The following SLC24A2 variants were observed in gnomAD, a reference collection of about 807,000 sequenced individuals.
SLC24A2 encodes the protein solute carrier family 24 member 2.
SLC24A2 carries 36 observed loss-of-function variants against 62.0 expected under a neutral mutation model. The observed-to-expected ratio is 0.58, with a 90% CI of 0.44 to 0.77. The LOEUF is 0.77. Ranked by LOEUF, SLC24A2 falls within the 30% of genes least tolerant of loss-of-function variation. SLC24A2 has a pLI of 0.00. For missense variants in SLC24A2, 846 were observed against 817.9 expected, an observed-to-expected ratio of 1.03 and a Z score of -0.42; for synonymous variants, 358 against 294.0, an observed-to-expected ratio of 1.22 and a Z score of -2.23.
chr9:20,242,670 G>GACAT, the SLC24A2 span, among the ~76,000 whole-genome samples: 1 of 152,206 alleles, frequency 6.6e-6, no homozygotes, highest in South Asian at 2.1e-4. Context: ...TGCAACACCT[G>GACAT]ACATGAGAAA....
chr9:20,060,304 A>T, the SLC24A2 span, among the ~76,000 whole-genome samples: 1 of 152,154 alleles, frequency 6.6e-6, no homozygotes, highest in Non-Finnish European at 1.5e-5. Flanking sequence ...AACCCATTCC[A>T]AAAAGCCAGC....
chr9:19,621,521 C>T (rs368031874), intron 3 of SLC24A2, among the ~76,000 whole-genome samples: 44 of 152,202 alleles, frequency 2.9e-4, no homozygotes, highest in Middle Eastern at 3.4e-3. Flanking sequence ...CAGATGATTA[C>T]GGTTCAAAAC....
At chr9:19,850,549 A>G in the SLC24A2 span, among the ~76,000 whole-genome samples, 1 of 152,250 alleles carries the variant, frequency 6.6e-6, no homozygotes, top group South Asian at 2.1e-4. Context: ...AAAGTTGCTC[A>G]GTCATCATCA....
the SLC24A2 span, among the ~76,000 whole-genome samples, chr9:20,304,210 G>T: frequency 3.9e-5 from 6 of 152,220 alleles, no homozygotes; most frequent in Admixed American, 3.9e-4. Context: ...TGGCAGGCAG[G>T]TTAACTATTT....
At chr9:19,621,526 C>T (rs1208548628) in intron 3 of SLC24A2, among the ~76,000 whole-genome samples, 1 of 152,080 alleles carries the variant, frequency 6.6e-6, no homozygotes, top group Non-Finnish European at 1.5e-5. Context: ...GATTACGGTT[C>T]AAAACATTTT....
At chr9:20,025,510 C>A in the SLC24A2 span, among the ~76,000 whole-genome samples, 8 of 152,238 alleles carry the variant, frequency 5.3e-5, no homozygotes, top group Admixed American at 2.0e-4. Context: ...AACATTATTA[C>A]CTGCTCCCTG....
the SLC24A2 span, among the ~76,000 whole-genome samples, chr9:20,054,993 A>G: frequency 2.0e-5 from 3 of 152,202 alleles, no homozygotes; most frequent in South Asian, 6.2e-4. Context: ...CATTCTGTTT[A>G]CCTGCACCAC....
rs187476692 is a variant in SLC24A2, at chr9:19,708,046, A to C, written c.930+77891T>G. ...TAAATCTCCTTAAGCTGATAAGCAA[A>C]TTCAGCAAAGTCACAGGATAGAAAA... On this transcript the variant is annotated intron_variant, in intron 2 of 10. Transcript: ENST00000341998. 1.8e-3 allele frequency among the ~76,000 whole-genome samples: 278 copies of C among 152,276 alleles called. 7 individuals carry two copies. Among genetic ancestry groups the C allele is most frequent in the Admixed American group, 0.017 (262 of 15,288 alleles).
the SLC24A2 span, among the ~76,000 whole-genome samples, chr9:19,917,721 CATATCT>C: frequency 3.7e-4 from 57 of 152,160 alleles, no homozygotes; most frequent in Middle Eastern, 3.4e-3. Context: ...ATTTTTGTCT[CATATCT>C]ATATCTTGAT....
intron 4 of SLC24A2, among the ~76,000 whole-genome samples, chr9:19,616,329 T>A (rs528542771): frequency 6.6e-6 from 1 of 152,216 alleles, no homozygotes; most frequent in Non-Finnish European, 1.5e-5. Context: ...AATAACACTA[T>A]GATGCAGACA....
chr9:19,772,510 T>C (rs1272506430), intron 2 of SLC24A2, among the ~76,000 whole-genome samples: 1 of 152,146 alleles, frequency 6.6e-6, no homozygotes. Context: ...GATAAGGAAC[T>C]CTGAAACTCA....
the SLC24A2 span, among the ~76,000 whole-genome samples, chr9:19,884,403 G>T: frequency 1.3e-5 from 2 of 152,050 alleles, no homozygotes; most frequent in Non-Finnish European, 2.9e-5. Flanking sequence ...TCTGGGTTTT[G>T]TGTTTTCACT....
At chr9:19,597,642 A>G (rs1836736945) in intron 4 of SLC24A2, among the ~76,000 whole-genome samples, 1 of 152,206 alleles carries the variant, frequency 6.6e-6, no homozygotes, top group East Asian at 1.9e-4. Context: ...GAACAAGGAC[A>G]ACGTCCAGGC....
intron 2 of SLC24A2, among the ~76,000 whole-genome samples, chr9:19,773,823 G>A (rs1178562619): frequency 6.6e-6 from 1 of 152,218 alleles, no homozygotes; most frequent in South Asian, 2.1e-4. Context: ...ATACACACAA[G>A]AGTGAACACA....
the SLC24A2 span, among the ~76,000 whole-genome samples, chr9:19,826,873 T>C: frequency 3.3e-5 from 5 of 152,208 alleles, no homozygotes; most frequent in Non-Finnish European, 1.5e-5. Context: ...CCTTGGAATG[T>C]GGTCTCCAGT....
At chr9:19,899,742 G>T in the SLC24A2 span, among the ~76,000 whole-genome samples, 1 of 152,146 alleles carries the variant, frequency 6.6e-6, no homozygotes, top group Non-Finnish European at 1.5e-5. Context: ...TTACAATCAT[G>T]GCAGAAGAGA....
At chr9:19,521,137 A>C in intron 9 of SLC24A2, 77 bp from the exon 10 acceptor site, 1 of 1,333,672 alleles carries the variant, frequency 7.5e-7, no homozygotes, top group Non-Finnish European at 1.1e-6. Flanking sequence ...TTTCAATGCG[A>C]CCTCCTTTTA....
intron 5 of SLC24A2, among the ~76,000 whole-genome samples, chr9:19,585,894 G>C (rs1474599801): frequency 6.6e-6 from 1 of 152,114 alleles, no homozygotes; most frequent in African/African-American, 2.4e-5. Context: ...ACCCATAAAG[G>C]ATGGATCAGC....
At chr9:19,780,002 C>A (rs1822964027) in intron 2 of SLC24A2, among the ~76,000 whole-genome samples, 1 of 152,000 alleles carries the variant, frequency 6.6e-6, no homozygotes, top group Middle Eastern at 3.4e-3. Context: ...GTGGAGCTTG[C>A]AAGTGAGCCG....
Sources: allele counts gnomAD v4.1 joint callset (sites outside exome capture counted in the v4.1 genomes callset), GRCh38; gene constraint gnomAD v4.1.1; transcripts MANE v1.5; gene names NCBI Gene and HGNC (gene_info 2026-07-23, HGNC 2026-07-21).